Variants in CTF1 observed in about 807,000 individuals in gnomAD.
CTF1 encodes cardiotrophin 1.
A neutral mutation model predicts 10.9 loss-of-function variants in CTF1; 9 were observed. That is an observed-to-expected ratio of 0.83 (90% CI 0.50 to 1.44). The LOEUF (loss-of-function observed/expected upper bound fraction) is 1.44, where lower values mean the gene tolerates loss of function less well. Among genes scored for constraint, CTF1 ranks in the 40% most tolerant of loss-of-function variants. The probability of loss-of-function intolerance (pLI) is 0.00; values close to 1 mark genes in which losing one functional copy is unlikely to be tolerated. For missense variants in CTF1, 259 were observed against 275.3 expected (o/e 0.94, Z 0.42); for synonymous variants, 133 against 138.8 (o/e 0.96, Z 0.29).
At chr16:30,901,340 C>G (rs545860762) in intron 2 of CTF1, among the ~76,000 whole-genome samples, 15 of 152,116 alleles carry the variant, frequency 9.9e-5, no homozygotes, top group African/African-American at 3.6e-4. Context: ...GAAGACAGGA[C>G]AGGAAGCTTC....
chr16:30,900,766 G>A (rs1355402028), intron 2 of CTF1, among the ~76,000 whole-genome samples: 1 of 152,158 alleles, frequency 6.6e-6, no homozygotes, highest in Non-Finnish European at 1.5e-5. Context: ...CTTGGCGACA[G>A]TGTGAGACCC....
intron 1 of CTF1, among the ~76,000 whole-genome samples, chr16:30,898,315 T>C (rs768355042): frequency 3.3e-5 from 5 of 151,940 alleles, no homozygotes; most frequent in Non-Finnish European, 5.9e-5. Flanking sequence ...GCACCCACCA[T>C]CATGCCTGAC....
Position 30,902,533 on chromosome 16 carries a change from G to T in CTF1, c.600G>T (p.Ser200=), listed in dbSNP as rs1026759136. The change falls in exon 3 of 3, where the codon TCG becomes TCT. Residue 200 remains serine, a synonymous_variant. Transcript: ENST00000279804. Reference sequence around the variant, plus strand: ...TGGGCCAGCTGCTGCCCGGGGGCTCGGCCTGAGCGCCGCGGGGCAGCTCGC... The same window carrying T: ...TGGGCCAGCTGCTGCCCGGGGGCTCTGCCTGAGCGCCGCGGGGCAGCTCGC... ...GDLGQLLPGG[S]A 4 of 1,498,038 alleles carry T rather than the reference G, an allele frequency of 2.7e-6. No individual in the cohort carries two copies. The highest frequency in any genetic ancestry group is 3.5e-6 in the Non-Finnish European group (4 of 1,128,516). 92.8% of individuals were successfully genotyped at this position (1,498,038 alleles called of 1,614,324 possible).
At chr16:30,901,766 T>C (rs1037352803) in intron 2 of CTF1, among the ~76,000 whole-genome samples, 4 of 138,232 alleles carry the variant, frequency 2.9e-5, no homozygotes, top group African/African-American at 1.2e-4. Context: ...TTTTTTTTTT[T>C]AGAGCTGTGG....
chr16:30,903,553 T>G (rs752700708), downstream of CTF1: 1 of 152,188 alleles, frequency 6.6e-6, no homozygotes, highest in Non-Finnish European at 1.5e-5. Context: ...AAAAAGAAAC[T>G]AAAGTTACTT....
In CTF1 at chr16:30,902,795, C is replaced by A. The variant is rs1423071548; in HGVS notation, c.*256C>A. 4 of 365,392 alleles carry A rather than the reference C, an allele frequency of 1.1e-5. No individual in the cohort carries two copies. Among genetic ancestry groups the A allele is most frequent in the Non-Finnish European group, 1.9e-5 (4 of 212,438 alleles). The allele number at this position is 365,392 out of a possible 1,614,324, so 22.6% of individuals were successfully genotyped here. A position where few individuals can be genotyped will look rare whatever the true frequency, so the allele number is the denominator to read the frequency against. ...TCAAGCCATCCTTCCGCCTCAGCTT[C>A]CCCAGCAGCTGGGACTACAGGCACG... On this transcript the variant is annotated 3_prime_UTR_variant, in exon 3 of 3. Coordinates refer to ENST00000279804, the MANE Select transcript of CTF1 (RefSeq NM_001330.5).
In CTF1 at chr16:30,902,614, C is replaced by T. The variant is rs2055416010; in HGVS notation, c.*75C>T. The T allele has an allele frequency of 8.5e-6, 12 of 1,413,618 alleles. No individual in the cohort carries two copies. Among genetic ancestry groups the T allele is most frequent in the Middle Eastern group, 2.6e-4 (1 of 3,870 alleles). The allele number at this position is 1,413,618 out of a possible 1,614,324, so 87.6% of individuals were successfully genotyped here. A position where few individuals can be genotyped will look rare whatever the true frequency, so the allele number is the denominator to read the frequency against. ...CTTCCGCTTCTTTGTCTTTCTCTGCCGCTGTCGGTGTCTGTCTGTCTGCTC... is the reference window on the plus strand; with the variant it reads ...CTTCCGCTTCTTTGTCTTTCTCTGCTGCTGTCGGTGTCTGTCTGTCTGCTC... On this transcript the variant is annotated 3_prime_UTR_variant, in exon 3 of 3. Coordinates refer to ENST00000279804, the MANE Select transcript of CTF1 (RefSeq NM_001330.5).
intron 1 of CTF1, among the ~76,000 whole-genome samples, chr16:30,898,937 A>T (rs969986388): frequency 2.6e-5 from 4 of 152,188 alleles, no homozygotes; most frequent in Admixed American, 6.6e-5. Flanking sequence ...AAGATTACAG[A>T]CATCAGCAAT....
At position 30,902,693 on chromosome 16, in the gene CTF1, G is replaced by C. The variant is rs1277549575; in HGVS notation, c.*154G>C. On this transcript the variant is annotated 3_prime_UTR_variant, in exon 3 of 3. Transcript: ENST00000279804. ...TTGCTTTTTGTGGGGGAGAGGGGAG[G>C]GGACGGGCAGGGTCTCTGTCGCCCA... The C allele has an allele frequency of 7.7e-6, 9 of 1,166,966 alleles. No homozygotes were observed. The South Asian group carries it at 1.4e-4, about 19-fold the overall frequency. 72.3% of individuals were successfully genotyped at this position (1,166,966 alleles called of 1,614,324 possible).
At chr16:30,896,799 C>T (rs1258434519) in intron 1 of CTF1, 131 bp downstream of exon 1, 2 of 743,538 alleles carry the variant, frequency 2.7e-6, no homozygotes, top group Non-Finnish European at 3.8e-6. Flanking sequence ...AAGGGCAGGG[C>T]TCCGGTGTCA....
At chr16:30,898,551 C>T (rs11644454) in intron 1 of CTF1, among the ~76,000 whole-genome samples, 10,474 of 152,104 alleles carry the variant, frequency 0.069, 482 homozygotes, top group Non-Finnish European at 0.11. Flanking sequence ...TCTCGGGCTC[C>T]CAAAGTGCTG....
At chr16:30,896,545 C>T, upstream of CTF1, 2 of 1,095,958 alleles carry the variant, frequency 1.8e-6, no homozygotes, top group Non-Finnish European at 2.4e-6. Context: ...GGGGTCTGGG[C>T]TCTGATTGGC....
intron 2 of CTF1, among the ~76,000 whole-genome samples, chr16:30,900,894 ATT>A (rs764298787): frequency 6.5e-5 from 9 of 139,192 alleles, no homozygotes; most frequent in African/African-American, 7.9e-5. Context: ...CCAGCCCAAC[ATT>A]TTTTTTTTTT....
intron 1 of CTF1, among the ~76,000 whole-genome samples, chr16:30,896,925 C>G (rs1215636302): frequency 6.6e-6 from 1 of 152,050 alleles, no homozygotes; most frequent in East Asian, 1.9e-4. Flanking sequence ...TTCGAGTACA[C>G]CCAGGGGGAG....
rs1555484871 is a variant in CTF1 at position 30,898,162 on chromosome 16, A to AC, written c.26-1253_26-1252insC. ...AGGCGTGAGCCACTGCGCCTGGACAATTTTTTTTTTTTTTTTTGAGACGAA... is the reference window on the plus strand; with the variant it reads ...AGGCGTGAGCCACTGCGCCTGGACAACTTTTTTTTTTTTTTTTTGAGACGAA... On this transcript the variant is annotated intron_variant, in intron 1 of 2. Coordinates refer to ENST00000279804, the MANE Select transcript of CTF1 (RefSeq NM_001330.5). Among the ~76,000 whole-genome samples, 9 of 130,318 alleles carry AC rather than the reference A, an allele frequency of 6.9e-5. No homozygotes were observed. In the East Asian group the frequency reaches 2.0e-3, roughly 29 times the overall value. The allele number at this position is 130,318 out of a possible 152,430, so 85.5% of individuals were successfully genotyped here.
At position 30,902,538 on chromosome 16, in the gene CTF1, G is replaced by C. The variant is rs1324133712; in HGVS notation, c.605G>C (p.Ter202SerextTer100). The C allele has an allele frequency of 1.3e-6, 2 of 1,498,462 alleles. No individual in the cohort carries two copies. Among genetic ancestry groups the C allele is most frequent in the Non-Finnish European group, 1.8e-6 (2 of 1,128,338 alleles). 92.8% of individuals were successfully genotyped at this position (1,498,462 alleles called of 1,614,324 possible). ...LGQLLPGGSA[*>S] ...CAGCTGCTGCCCGGGGGCTCGGCCT[G>C]AGCGCCGCGGGGCAGCTCGCCCCGC... is the stretch of plus-strand genomic sequence containing the variant. Residue 202 changes from the stop codon to serine, a stop_lost, in exon 3 of 3, where the codon TGA (stop) becomes TCA (serine). Transcript: ENST00000279804.
rs114618084 is a variant in CTF1, at chr16:30,903,018, T to G, written c.*479T>G. The G allele has an allele frequency of 0.01, 1,581 of 153,308 alleles. 37 individuals carry two copies. The highest frequency in any genetic ancestry group is 0.036 in the African/African-American group (1,497 of 41,568). The allele number at this position is 153,308 out of a possible 1,614,324, so 9.5% of individuals were successfully genotyped here. Reference sequence around the variant, plus strand: ...CCCCGTTCTCTTAACTCTTGGACCCTCCTCGTCTGCATGGTAACTCCGTCT... The same window carrying G: ...CCCCGTTCTCTTAACTCTTGGACCCGCCTCGTCTGCATGGTAACTCCGTCT... On this transcript the variant is annotated 3_prime_UTR_variant, in exon 3 of 3. Coordinates refer to ENST00000279804, the MANE Select transcript of CTF1 (RefSeq NM_001330.5).
Position 30,902,610 on chromosome 16 carries a change from C to G in CTF1, c.*71C>G. ...TCTCCTTCCGCTTCTTTGTCTTTCTCTGCCGCTGTCGGTGTCTGTCTGTCT... is the reference window on the plus strand; with the variant it reads ...TCTCCTTCCGCTTCTTTGTCTTTCTGTGCCGCTGTCGGTGTCTGTCTGTCT... On this transcript the variant is annotated 3_prime_UTR_variant, in exon 3 of 3. Coordinates refer to ENST00000279804, the MANE Select transcript of CTF1 (RefSeq NM_001330.5). 7.1e-7 allele frequency: 1 copy of G among 1,418,370 alleles called. No homozygotes were observed. Among genetic ancestry groups the G allele is most frequent in the Non-Finnish European group, 9.2e-7 (1 of 1,081,656 alleles). The allele number at this position is 1,418,370 out of a possible 1,614,324, so 87.9% of individuals were successfully genotyped here. A position where few individuals can be genotyped will look rare whatever the true frequency, so the allele number is the denominator to read the frequency against.
At chr16:30,900,239 A>C (rs1402353723) in intron 2 of CTF1, among the ~76,000 whole-genome samples, 4 of 152,314 alleles carry the variant, frequency 2.6e-5, no homozygotes, top group East Asian at 3.9e-4. Context: ...CCAAGAGGGC[A>C]CTTTCACAGA....
Sources: allele counts gnomAD v4.1 joint callset (sites outside exome capture counted in the v4.1 genomes callset), GRCh38; gene constraint gnomAD v4.1.1; transcripts MANE v1.5; gene names NCBI Gene and HGNC (gene_info 2026-07-23, HGNC 2026-07-21).